Variants in SHANK2 observed in about 807,000 individuals in gnomAD.
SHANK2 encodes SH3 and multiple ankyrin repeat domains 2.
SHANK2 carries 43 observed loss-of-function variants against 133.7 expected under a neutral mutation model. That is an observed-to-expected ratio of 0.32 (90% CI 0.25 to 0.41). The LOEUF is 0.41. SHANK2 is among the 10% of genes least tolerant of loss of function. SHANK2 has a pLI of 1.00. For missense variants in SHANK2, 1,994 were observed against 2,235.8 expected (o/e 0.89, Z 2.18); for synonymous variants, 1,017 against 952.8 (o/e 1.07, Z -1.24).
rs143128558 is a variant in SHANK2, at chr11:70,925,364, G to A, written c.1108-28797C>T. On this transcript the variant is annotated intron_variant, in intron 10 of 25. Coordinates refer to ENST00000601538, the MANE Select transcript of SHANK2 (RefSeq NM_012309.5). ...AAGCCCTGTTAATTCTTGCAGATTA[G>A]GTGCCCAATAGGAGTAGGTATCACC... 3.1e-3 allele frequency among the ~76,000 whole-genome samples: 467 copies of A among 152,272 alleles called. 4 individuals are homozygous for A. The highest frequency in any genetic ancestry group is 0.011 in the African/African-American group (446 of 41,544).
At chr11:70,757,094 A>G (rs1211465482) in intron 14 of SHANK2, among the ~76,000 whole-genome samples, 1 of 152,214 alleles carries the variant, frequency 6.6e-6, no homozygotes, top group Non-Finnish European at 1.5e-5. Context: ...AAATGTGACT[A>G]TTCTTATTTT....
chr11:70,854,853 G>A (rs1949143278), intron 11 of SHANK2, among the ~76,000 whole-genome samples: 1 of 152,234 alleles, frequency 6.6e-6, no homozygotes, highest in African/African-American at 2.4e-5. Context: ...GTCCACCACA[G>A]AGCAGGGACT....
chr11:70,670,665 G>A (rs1944782258), intron 15 of SHANK2, among the ~76,000 whole-genome samples: 1 of 152,254 alleles, frequency 6.6e-6, no homozygotes, highest in Non-Finnish European at 1.5e-5. Flanking sequence ...GTTACAGTGT[G>A]TGATGCTGCT....
At chr11:71,091,421 G>A (rs1555093991) in intron 8 of SHANK2, among the ~76,000 whole-genome samples, 1 of 152,194 alleles carries the variant, frequency 6.6e-6, no homozygotes, top group East Asian at 1.9e-4. Context: ...CTCCCTTACA[G>A]GTGTGTAAGG....
At chr11:71,241,825 A>G (rs1369352258) in intron 1 of SHANK2, among the ~76,000 whole-genome samples, 9 of 152,212 alleles carry the variant, frequency 5.9e-5, no homozygotes, top group African/African-American at 2.2e-4. Flanking sequence ...CCTAGGCTGG[A>G]GCGAGTGGGT....
chr11:71,123,976 T>C (rs116823176), intron 3 of SHANK2, among the ~76,000 whole-genome samples: 1,706 of 151,816 alleles, frequency 0.011, 35 homozygotes, highest in African/African-American at 0.039. Context: ...AGGGAGGGGA[T>C]GATGATGATG....
At chr11:71,084,206 C>T (rs1435387495) in intron 8 of SHANK2, among the ~76,000 whole-genome samples, 3 of 152,164 alleles carry the variant, frequency 2.0e-5, no homozygotes, top group Non-Finnish European at 4.4e-5. Flanking sequence ...CTCCTGACCT[C>T]GTGATCTGCC....
chr11:71,106,896 C>T (rs1253907542), intron 6 of SHANK2, among the ~76,000 whole-genome samples: 3 of 152,038 alleles, frequency 2.0e-5, no homozygotes, highest in East Asian at 3.9e-4. Context: ...AGGCCGAGGC[C>T]GGTGATCACT....
At chr11:70,896,692 G>A (rs781925220) in intron 10 of SHANK2, 125 bp from the exon 11 acceptor site, 187 of 621,128 alleles carry the variant, frequency 3.0e-4, no homozygotes, top group Non-Finnish European at 4.6e-4. Flanking sequence ...AATGGCAGCC[G>A]CAATATCAAC....
intron 15 of SHANK2, among the ~76,000 whole-genome samples, chr11:70,670,952 C>T (rs1233287081): frequency 2.0e-5 from 3 of 152,334 alleles, no homozygotes; most frequent in Non-Finnish European, 4.4e-5. Context: ...TGCCCAGAGA[C>T]GTGCGCTGGC....
intron 2 of SHANK2, among the ~76,000 whole-genome samples, chr11:71,212,225 A>T (rs1364163756): frequency 6.6e-6 from 1 of 152,190 alleles, no homozygotes; most frequent in African/African-American, 2.4e-5. Context: ...CTTATGCTAC[A>T]GTTGGGTCTT....
intron 14 of SHANK2, among the ~76,000 whole-genome samples, chr11:70,703,727 C>A (rs1315642861): frequency 2.6e-5 from 4 of 152,248 alleles, no homozygotes. Context: ...TTTCCTGCCG[C>A]TGAGAGGTCA....
chr11:71,222,037 G>A (rs1349506060), intron 2 of SHANK2, among the ~76,000 whole-genome samples: 1 of 152,112 alleles, frequency 6.6e-6, no homozygotes, highest in East Asian at 1.9e-4. Context: ...GCATGGCCGG[G>A]TTGGTGATTC....
intron 2 of SHANK2, among the ~76,000 whole-genome samples, chr11:71,177,731 A>C (rs1215178746): frequency 6.6e-6 from 1 of 152,222 alleles, no homozygotes; most frequent in African/African-American, 2.4e-5. Flanking sequence ...ACTTTAAACC[A>C]ATAAGCCAAT....
rs1953417986 is a variant in SHANK2, at chr11:71,175,548, GAGGGA to G, written c.-12-28215_-12-28211del. On this transcript the variant is annotated intron_variant, in intron 2 of 25. Transcript: ENST00000601538. The surrounding 1 kb of genome is among the most constrained non-coding windows in gnomAD (Gnocchi z 4.2). The stretch of plus-strand genomic sequence containing the variant: ...AGACAGACAGACAGAGGGAGAGGGA[GAGGGA>G]GAGAGAGAGAGAGAGAGAGAGAGAG... Among the ~76,000 whole-genome samples the G allele has an allele frequency of 1.6e-4, 2 of 12,706 alleles. No homozygotes were observed. The highest frequency in any genetic ancestry group is 8.5e-3 in the East Asian group (1 of 118). 8.3% of individuals were successfully genotyped at this position (12,706 alleles called of 152,430 possible).
intron 17 of SHANK2, among the ~76,000 whole-genome samples, chr11:70,630,546 G>A (rs1256440169): frequency 6.6e-6 from 1 of 152,222 alleles, no homozygotes; most frequent in Non-Finnish European, 1.5e-5. Context: ...TGCTGGAGAT[G>A]CAATCACTTG....
chr11:71,085,565 A>C (rs1417612295), intron 8 of SHANK2, among the ~76,000 whole-genome samples: 1 of 81,124 alleles, frequency 1.2e-5, no homozygotes, highest in Non-Finnish European at 2.2e-5. Context: ...TATATTATAT[A>C]AAATATATAT....
At chr11:70,756,148 CCCCAGAGGCAGGTT>C (rs1436842634) in intron 14 of SHANK2, among the ~76,000 whole-genome samples, 1 of 152,112 alleles carries the variant, frequency 6.6e-6, no homozygotes, top group East Asian at 1.9e-4. Flanking sequence ...TCCCCAGCTC[CCCCAGAGGCAGGTT>C]CCCAGAGCGA....
chr11:71,226,234 T>G (rs968071275), intron 1 of SHANK2, among the ~76,000 whole-genome samples: 9 of 152,278 alleles, frequency 5.9e-5, no homozygotes, highest in Middle Eastern at 6.8e-3. Flanking sequence ...ATCAGTGAAC[T>G]GGAAGACAGA....
Sources: gnomAD v4.1 joint callset for allele counts (sites outside exome capture counted in the v4.1 genomes callset) on GRCh38, gnomAD v4.1.1 for gene constraint, Gnocchi (gnomAD v3.1) non-coding constraint, MANE v1.5 for transcripts, NCBI Gene and HGNC (gene_info 2026-07-23, HGNC 2026-07-21) for gene names.